The following PRKCH variants were observed in gnomAD, a reference collection of about 807,000 sequenced individuals.
The protein encoded by PRKCH is protein kinase C eta.
Under a neutral mutation model 82.5 loss-of-function variants are expected in PRKCH, and 28 were observed. The ratio of observed to expected loss-of-function variants is 0.34; its 90% CI spans 0.25 to 0.47. The LOEUF (loss-of-function observed/expected upper bound fraction) is 0.47, where lower values mean the gene tolerates loss of function less well. Among genes scored for constraint, PRKCH ranks in the 20% least tolerant of loss-of-function variants. PRKCH has a pLI of 1.00. For missense variants in PRKCH, 705 were observed against 881.8 expected (o/e 0.80, Z 2.54); for synonymous variants, 322 against 327.4 (o/e 0.98, Z 0.18).
chr14:61,258,113 C>G (rs575526449), intron 1 of PRKCH, among the ~76,000 whole-genome samples: 3 of 151,932 alleles, frequency 2.0e-5, no homozygotes, highest in East Asian at 3.8e-4. Context: ...TTAATTTGCT[C>G]TAGACCCCAA....
rs569183417 is a variant in PRKCH at position 61,217,694 on chromosome 14, G to A, written c.-19+30026G>A. 2.0e-5 allele frequency among the ~76,000 whole-genome samples: 3 copies of A among 152,214 alleles called. 1 individual carries two copies. The highest frequency in any genetic ancestry group is 6.8e-3 in the Middle Eastern group (2 of 294). ...CCTGATGTGTACCAGAAGAAGTTGG[G>A]GCCAGGCCAGGGAGGAAGGTTATTC... On this transcript the variant is annotated intron_variant, in intron 1 of 3. Transcript: ENST00000555185.
chr14:61,383,677 A>C (rs1455954673), intron 1 of PRKCH, among the ~76,000 whole-genome samples: 1 of 151,846 alleles, frequency 6.6e-6, no homozygotes, highest in Non-Finnish European at 1.5e-5. Flanking sequence ...GGAGTCATTC[A>C]ATAAAGGTTC....
Position 61,433,753 on chromosome 14 carries a change from A to G in PRKCH, c.428-9358A>G, listed in dbSNP as rs547096170. On this transcript the variant is annotated intron_variant, in intron 2 of 13. Transcript: ENST00000332981. ...AAACAGCAACTTTTAAAAAGATATGAAAAGATGTTTTGGGTGAAAGTAGTT... is the reference window on the plus strand; with the variant it reads ...AAACAGCAACTTTTAAAAAGATATGGAAAGATGTTTTGGGTGAAAGTAGTT... Among the ~76,000 whole-genome samples the G allele has an allele frequency of 1.7e-4, 26 of 152,364 alleles. No individual in the cohort carries two copies. In the South Asian group the frequency reaches 2.1e-3, roughly 12 times the overall value.
At chr14:61,440,767 G>A (rs1883923001) in intron 2 of PRKCH, among the ~76,000 whole-genome samples, 1 of 152,106 alleles carries the variant, frequency 6.6e-6, no homozygotes, top group South Asian at 2.1e-4. Context: ...CCAGCTGCTT[G>A]GGAGGCTGAG....
intron 2 of PRKCH, among the ~76,000 whole-genome samples, chr14:61,411,971 C>A (rs1333326496): frequency 6.6e-6 from 1 of 152,214 alleles, no homozygotes; most frequent in Non-Finnish European, 1.5e-5. Flanking sequence ...ATAGAAGGGC[C>A]TTGCTTGCTT....
chr14:61,401,157 T>G (rs143330535), intron 2 of PRKCH, among the ~76,000 whole-genome samples: 1 of 152,290 alleles, frequency 6.6e-6, no homozygotes, highest in Non-Finnish European at 1.5e-5. Flanking sequence ...TTCTCAGACA[T>G]CAGGCATGGA....
At chr14:61,485,760 GAATTA>G in intron 10 of PRKCH, 104 bp downstream of exon 10, 3 of 1,395,924 alleles carry the variant, frequency 2.1e-6, no homozygotes, top group Non-Finnish European at 2.9e-6. Flanking sequence ...ACCTTTTTTG[GAATTA>G]AATTCACAGA....
chr14:61,496,769 CT>C (rs1255269569), intron 10 of PRKCH, among the ~76,000 whole-genome samples: 1 of 152,142 alleles, frequency 6.6e-6, no homozygotes, highest in Non-Finnish European at 1.5e-5. Context: ...AAATTCTACG[CT>C]TTTTTTATTT....
intron 9 of PRKCH, among the ~76,000 whole-genome samples, chr14:61,473,769 G>A (rs1204535649): frequency 2.6e-5 from 4 of 152,160 alleles, no homozygotes; most frequent in Non-Finnish European, 1.5e-5. Context: ...AAGGTGAGTG[G>A]ATCACCTGAG....
At chr14:61,258,330 C>G (rs1157911217) in intron 1 of PRKCH, among the ~76,000 whole-genome samples, 1 of 152,068 alleles carries the variant, frequency 6.6e-6, no homozygotes. Context: ...TTTCCAGGAT[C>G]TATGAAATAA....
chr14:61,487,295 C>G (rs1886267289), intron 10 of PRKCH, among the ~76,000 whole-genome samples: 1 of 152,164 alleles, frequency 6.6e-6, no homozygotes, highest in South Asian at 2.1e-4. Flanking sequence ...ACAGTGGGAG[C>G]CACCTGTTTG....
chr14:61,249,731 C>G (rs1174062398), intron 1 of PRKCH, among the ~76,000 whole-genome samples: 1 of 151,898 alleles, frequency 6.6e-6, no homozygotes, highest in Non-Finnish European at 1.5e-5. Flanking sequence ...AGCGATTCTC[C>G]TGCCTCAGCC....
At chr14:61,382,032 T>C (rs1226955068) in intron 1 of PRKCH, among the ~76,000 whole-genome samples, 1 of 151,994 alleles carries the variant, frequency 6.6e-6, no homozygotes, top group Non-Finnish European at 1.5e-5. Flanking sequence ...TGTGCAACGG[T>C]GATGGTAGTA....
In PRKCH at chr14:61,453,530, CTCTT is replaced by C. The variant is rs200744396; in HGVS notation, c.960+190_960+193del. Among the ~76,000 whole-genome samples the C allele has an allele frequency of 3.4e-3, 507 of 150,326 alleles. 4 individuals carry two copies. The highest frequency in any genetic ancestry group is 0.01 in the African/African-American group (424 of 40,882). Reference sequence around the variant, plus strand: ...TCTTTCTTTTTTCTTTTCTTTCTTTCTCTTTCTTTCTTTCTTCCTTTCTTTCTTT... The same window carrying C: ...TCTTTCTTTTTTCTTTTCTTTCTTTCTCTTTCTTTCTTCCTTTCTTTCTTT... On this transcript the variant is annotated intron_variant, in intron 7 of 13. Coordinates refer to ENST00000332981, the MANE Select transcript of PRKCH (RefSeq NM_006255.5).
chr14:61,414,215 G>C (rs1197059567), intron 2 of PRKCH, among the ~76,000 whole-genome samples: 1 of 151,710 alleles, frequency 6.6e-6, no homozygotes, highest in East Asian at 1.9e-4. Flanking sequence ...TCTCTCCCCT[G>C]AGTTCCAGCT....
chr14:61,393,213 C>CT (rs1238793039), intron 2 of PRKCH, among the ~76,000 whole-genome samples: 2 of 152,064 alleles, frequency 1.3e-5, no homozygotes, highest in Non-Finnish European at 2.9e-5. Flanking sequence ...CAACTCCGTT[C>CT]TTTTTTGTAT....
chr14:61,327,132 T>G, intron 1 of PRKCH: 1 of 456,024 alleles, frequency 2.2e-6, no homozygotes, highest in South Asian at 1.5e-5. Flanking sequence ...CCGAAGACAT[T>G]GTGTTCTCTG....
At chr14:61,483,542 C>T (rs901167568) in intron 9 of PRKCH, among the ~76,000 whole-genome samples, 3 of 152,088 alleles carry the variant, frequency 2.0e-5, no homozygotes, top group African/African-American at 7.2e-5. Context: ...TTAATAAATT[C>T]AGGGGATTTT....
intron 5 of PRKCH, 93 bp from the exon 6 acceptor site, chr14:61,450,749 G>T (rs1884469057): frequency 6.8e-7 from 1 of 1,460,452 alleles, no homozygotes; most frequent in Non-Finnish European, 9.3e-7. Flanking sequence ...GTGTCATAGT[G>T]ACACTTTGCA....
Sources: allele counts gnomAD v4.1 joint callset (sites outside exome capture counted in the v4.1 genomes callset), GRCh38; gene constraint gnomAD v4.1.1; transcripts MANE v1.5; gene names NCBI Gene and HGNC (gene_info 2026-07-23, HGNC 2026-07-21).